The following DYSF variants were observed in gnomAD, a reference collection of about 807,000 sequenced individuals.
DYSF encodes the protein dystrophy-associated fer-1-like 1.
A neutral mutation model predicts 274.9 loss-of-function variants in DYSF; 212 were observed. The ratio of observed to expected loss-of-function variants is 0.77; its 90% CI spans 0.69 to 0.86. The LOEUF (loss-of-function observed/expected upper bound fraction) is 0.86. Ranked by LOEUF, DYSF falls within the 40% of genes least tolerant of loss-of-function variation. The pLI is 0.00. For synonymous variants in DYSF, 1,091 were observed against 1,078.7 expected (o/e 1.01, Z -0.22); for missense variants, 2,666 against 2,783.2 (o/e 0.96, Z 0.95).
rs185119682 is a variant in DYSF, at chr2:71,539,161, C to T, written c.1498C>T (p.Arg500Cys). The change falls in exon 17 of 56, where the codon CGC (arginine) becomes TGC (cysteine). Residue 500 changes from arginine to cysteine, a missense_variant. Physicochemically the swap from Arg to Cys is radical, Grantham distance 180. Transcript: ENST00000410020. ...KMRIRIIDWD[R>C]LTHNDIVATT... ...CTCTCTGCTCCCTTGCTCTAGGGAC[C>T]GCCTGACTCACAATGACATCGTGGC... 183 of 1,613,970 alleles carry T rather than the reference C, an allele frequency of 1.1e-4. 1 individual carries two copies. In the Admixed American group the frequency reaches 1.7e-3, roughly 15 times the overall value.
chr2:71,526,242 A>G lies in DYSF; in HGVS notation c.1172A>G (p.Glu391Gly). The change falls in exon 13 of 56, where the codon GAA becomes GGA. Residue 391 changes from glutamate to glycine, a missense_variant. Coordinates refer to ENST00000410020, the MANE Select transcript of DYSF (RefSeq NM_001130987.2). Reference protein sequence around the residue: ...EAPLERKDPSEDKEDIESNLL... With the variant: ...EAPLERKDPSGDKEDIESNLL... ...TAGCTGGAGAGAAAAGACCCCTCTG[A>G]AGACAAGGAGGACATTGAAAGCAAC... 6.2e-7 allele frequency: 1 copy of G among 1,614,264 alleles called. No individual in the cohort carries two copies. The highest frequency in any genetic ancestry group is 1.1e-5 in the South Asian group (1 of 91,092).
intron 17 of DYSF, among the ~76,000 whole-genome samples, chr2:71,550,595 C>T (rs1309271510): frequency 6.6e-6 from 1 of 151,940 alleles, no homozygotes; most frequent in African/African-American, 2.4e-5. Flanking sequence ...GCAGGGCCTA[C>T]AGTGCCTATA....
At chr2:71,481,442 A>C (rs1442244753) in intron 2 of DYSF, among the ~76,000 whole-genome samples, 1 of 152,218 alleles carries the variant, frequency 6.6e-6, no homozygotes, top group Non-Finnish European at 1.5e-5. Context: ...GAGGAGGGTC[A>C]TGGGGGCCTA....
intron 34 of DYSF, 52 bp from the exon 35 acceptor site, chr2:71,601,447 G>T (rs150549936): frequency 1.2e-6 from 2 of 1,611,758 alleles, no homozygotes; most frequent in East Asian, 4.5e-5. Context: ...TGAGGGTGAT[G>T]GGGGCCTTAG....
At chr2:71,464,545 C>T (rs12623021), upstream of DYSF, among the ~76,000 whole-genome samples, 22,579 of 152,052 alleles carry the variant, frequency 0.15, 2,243 homozygotes, top group East Asian at 0.45. Context: ...CCTGGGGAGG[C>T]GCTGGTCTGG....
intron 4 of DYSF, among the ~76,000 whole-genome samples, chr2:71,509,385 A>G (rs867650474): frequency 1.3e-5 from 2 of 148,528 alleles, no homozygotes; most frequent in Non-Finnish European, 3.0e-5. Context: ...CTGGTTTTGA[A>G]CTCTGGGCTC....
chr2:71,530,390 G>A (rs1243102279), intron 14 of DYSF, among the ~76,000 whole-genome samples: 1 of 152,174 alleles, frequency 6.6e-6, no homozygotes, highest in Non-Finnish European at 1.5e-5. Flanking sequence ...TCAGAGCTCC[G>A]GGGCTCCGGG....
intron 41 of DYSF, among the ~76,000 whole-genome samples, chr2:71,632,449 G>T (rs184653299): frequency 1.6e-4 from 25 of 152,322 alleles, no homozygotes; most frequent in African/African-American, 6.0e-4. Flanking sequence ...TCTTAAAATT[G>T]AATTTAGGAG....
intron 30 of DYSF, among the ~76,000 whole-genome samples, chr2:71,585,703 C>T (rs188766467): frequency 1.5e-3 from 232 of 152,290 alleles, no homozygotes; most frequent in African/African-American, 5.4e-3. Context: ...CGTGAGTTCA[C>T]TCACTTGTTC....
chr2:71,589,658 C>T lies in DYSF; in HGVS notation c.3468C>T (p.Asn1156=). Residue 1156 remains asparagine (N), a synonymous_variant, in exon 31 of 56, where the codon AAC becomes AAT. Transcript: ENST00000410020. ...TCTCCACCTTGAGCTTCGGTGTGAA[C>T]AGACCCACGATTTCCTGCATATTCG... ...MSVSTLSFGV[N]RPTISCIFDY... is the part of the protein sequence containing the mutation. 1.2e-6 allele frequency: 2 copies of T among 1,614,182 alleles called. No homozygotes were observed. Among genetic ancestry groups the T allele is most frequent in the East Asian group, 2.2e-5 (1 of 44,878 alleles).
chr2:71,618,960 C>G (rs1054938846), intron 40 of DYSF, among the ~76,000 whole-genome samples: 3 of 151,870 alleles, frequency 2.0e-5, no homozygotes, highest in African/African-American at 7.3e-5. Context: ...GCCTGCTGCT[C>G]CAGTTATAGT....
chr2:71,554,232 G>A (rs372848105), intron 21 of DYSF, among the ~76,000 whole-genome samples: 2 of 152,176 alleles, frequency 1.3e-5, no homozygotes, highest in Non-Finnish European at 2.9e-5. Context: ...CCTGGCTCTC[G>A]CTCGCTTACT....
chr2:71,557,321 G>A (rs922574230), intron 22 of DYSF, among the ~76,000 whole-genome samples: 1 of 152,238 alleles, frequency 6.6e-6, no homozygotes, highest in African/African-American at 2.4e-5. Context: ...TTTGAGGGAG[G>A]AGCAGGAGTT....
intron 1 of DYSF, among the ~76,000 whole-genome samples, chr2:71,476,292 C>G (rs1417450385): frequency 6.6e-6 from 1 of 152,126 alleles, no homozygotes; most frequent in Admixed American, 6.5e-5. Flanking sequence ...TGGCTCACAC[C>G]TGTAATCCCA....
intron 32 of DYSF, among the ~76,000 whole-genome samples, chr2:71,591,936 A>G (rs2093277946): frequency 1.3e-5 from 2 of 152,236 alleles, no homozygotes; most frequent in African/African-American, 4.8e-5. Flanking sequence ...GCAAGTGTAT[A>G]TAGCAGCAAC....
intron 32 of DYSF, among the ~76,000 whole-genome samples, chr2:71,595,041 C>T (rs2093367630): frequency 6.6e-6 from 1 of 152,134 alleles, no homozygotes; most frequent in South Asian, 2.1e-4. Flanking sequence ...CAAGAGTGAA[C>T]GTCTTTGTAC....
intron 12 of DYSF, among the ~76,000 whole-genome samples, chr2:71,525,890 A>T (rs916771138): frequency 1.3e-5 from 2 of 152,140 alleles, no homozygotes; most frequent in Non-Finnish European, 1.5e-5. Context: ...TTACTACTGT[A>T]CTATGTTTTA....
chr2:71,562,077 C>T, intron 23 of DYSF, 133 bp downstream of exon 23: 1 of 1,250,832 alleles, frequency 8.0e-7, no homozygotes, highest in Non-Finnish European at 1.1e-6. Context: ...GGGCAGGTGA[C>T]TTAACCTCTC....
intron 1 of DYSF, among the ~76,000 whole-genome samples, chr2:71,460,231 C>T (rs1017177372): frequency 3.3e-5 from 5 of 152,170 alleles, no homozygotes; most frequent in African/African-American, 7.2e-5. Context: ...CCTTTGACAA[C>T]GTGGTCCATG....
Sources: allele counts gnomAD v4.1 joint callset (sites outside exome capture counted in the v4.1 genomes callset), GRCh38; gene constraint gnomAD v4.1.1; transcripts MANE v1.5; gene names NCBI Gene and HGNC (gene_info 2026-07-23, HGNC 2026-07-21).